Variants in DPYD observed in about 807,000 individuals in gnomAD.
DPYD encodes dihydropyrimidine dehydrogenase [NADP(+)].
In DPYD, 109 loss-of-function variants were observed where a neutral mutation model predicts 116.2. The ratio of observed to expected loss-of-function variants is 0.94; its 90% CI spans 0.80 to 1.10. The LOEUF (loss-of-function observed/expected upper bound fraction) is 1.10, where lower values mean the gene tolerates loss of function less well. Ranked by LOEUF, DPYD falls within the 50% of genes least tolerant of loss-of-function variation. The pLI, the probability that DPYD is intolerant of heterozygous loss-of-function variation, is 0.00. For missense variants in DPYD, 1,302 were observed against 1,254.5 expected, an observed-to-expected ratio of 1.04 and a Z score of -0.57; for synonymous variants, 440 against 432.0, an observed-to-expected ratio of 1.02 and a Z score of -0.23.
At chr1:97,270,388 C>A (rs755482861) in intron 18 of DPYD, among the ~76,000 whole-genome samples, 13 of 152,164 alleles carry the variant, frequency 8.5e-5, no homozygotes, top group Non-Finnish European at 1.6e-4. Flanking sequence ...TGATATTTCT[C>A]ATATTCAAGC....
At chr1:97,083,503 A>G (rs978751241) in intron 21 of DPYD, among the ~76,000 whole-genome samples, 3 of 152,066 alleles carry the variant, frequency 2.0e-5, no homozygotes, top group African/African-American at 7.2e-5. Flanking sequence ...TTACATTTTT[A>G]TACAGTTCCT....
chr1:97,417,731 A>G (rs1019138452), intron 14 of DPYD, among the ~76,000 whole-genome samples: 1 of 152,216 alleles, frequency 6.6e-6, no homozygotes, highest in Non-Finnish European at 1.5e-5. Context: ...TGAGTCCCAT[A>G]CAATAAGAGT....
intron 20 of DPYD, among the ~76,000 whole-genome samples, chr1:97,117,045 T>A (rs751882030): frequency 6.7e-6 from 1 of 149,142 alleles, no homozygotes; most frequent in Non-Finnish European, 1.5e-5. Context: ...GTATCTGTAA[T>A]CCCAGCTACT....
At chr1:97,650,564 T>C (rs928640651) in intron 8 of DPYD, among the ~76,000 whole-genome samples, 3 of 152,160 alleles carry the variant, frequency 2.0e-5, no homozygotes, top group Admixed American at 2.0e-4. Flanking sequence ...ATGGTGATTA[T>C]ATTTTCCTAA....
chr1:97,691,736 A>G lies in DPYD; in HGVS notation c.743T>C (p.Met248Thr). The G allele has an allele frequency of 6.2e-7, 1 of 1,613,722 alleles. No homozygotes were observed. Among genetic ancestry groups the G allele is most frequent in the Non-Finnish European group, 8.5e-7 (1 of 1,179,760 alleles). ...YDVVNFEIELMKDLGVKIICG... is the reference protein window; with the variant it reads ...YDVVNFEIELTKDLGVKIICG... The stretch of plus-strand genomic sequence containing the variant: ...ATTTACCTTTACACCAAGGTCCTTC[A>G]TTAGCTCAATCTCAAAATTCACTAC... The change falls in exon 7 of 23, where the codon ATG (methionine) becomes ACG (threonine). Residue 248 changes from methionine to threonine, a missense_variant. Transcript: ENST00000370192.
intron 20 of DPYD, among the ~76,000 whole-genome samples, chr1:97,157,327 GCACA>G (rs1156697927): frequency 6.6e-6 from 1 of 152,048 alleles, no homozygotes; most frequent in African/African-American, 2.4e-5. Flanking sequence ...CCTAGTGTTT[GCACA>G]CACTCATACA....
At chr1:97,749,195 C>A (rs1188188962) in intron 3 of DPYD, among the ~76,000 whole-genome samples, 1 of 152,162 alleles carries the variant, frequency 6.6e-6, no homozygotes, top group Non-Finnish European at 1.5e-5. Context: ...ACAAAATAGG[C>A]TATCCATGTA....
At chr1:97,905,299 T>A (rs1199168866) in intron 1 of DPYD, among the ~76,000 whole-genome samples, 2 of 151,982 alleles carry the variant, frequency 1.3e-5, no homozygotes, top group African/African-American at 2.4e-5. Flanking sequence ...TTAGATCATA[T>A]CCTTGTCATT....
At position 97,381,668 on chromosome 1, in the gene DPYD, G is replaced by A. The variant is rs116635429; in HGVS notation, c.1974+725C>T. On this transcript the variant is annotated intron_variant, in intron 15 of 22. Coordinates refer to ENST00000370192, the MANE Select transcript of DPYD (RefSeq NM_000110.4). Reference sequence around the variant, plus strand: ...ATATTTTATAATGTAGCGTCAATTAGTTCATTGGTATAGTTAGATTTAGTC... The same window carrying A: ...ATATTTTATAATGTAGCGTCAATTAATTCATTGGTATAGTTAGATTTAGTC... Among the ~76,000 whole-genome samples the A allele has an allele frequency of 7.6e-3, 1,156 of 152,202 alleles. 17 individuals are homozygous for A. Among genetic ancestry groups the A allele is most frequent in the African/African-American group, 0.027 (1,104 of 41,530 alleles).
chr1:97,612,856 C>G (rs912180198), intron 8 of DPYD, among the ~76,000 whole-genome samples: 1 of 151,966 alleles, frequency 6.6e-6, no homozygotes, highest in African/African-American at 2.4e-5. Flanking sequence ...TTTCTATGAG[C>G]ATGTGCTTCT....
At chr1:97,414,141 AAC>A (rs1223372398) in intron 14 of DPYD, among the ~76,000 whole-genome samples, 2 of 152,096 alleles carry the variant, frequency 1.3e-5, no homozygotes, top group Non-Finnish European at 2.9e-5. Flanking sequence ...AAAAACAAAA[AAC>A]ACACACACAC....
At chr1:97,551,331 C>T (rs1404309245) in intron 11 of DPYD, among the ~76,000 whole-genome samples, 1 of 152,116 alleles carries the variant, frequency 6.6e-6, no homozygotes, top group Non-Finnish European at 1.5e-5. Flanking sequence ...CAGATCATCA[C>T]TACCATCTGT....
chr1:97,232,787 C>T (rs975512747), intron 19 of DPYD, among the ~76,000 whole-genome samples: 1 of 152,028 alleles, frequency 6.6e-6, no homozygotes, highest in Non-Finnish European at 1.5e-5. Context: ...ATGAGACTTT[C>T]TGTTGTTTCA....
At chr1:97,636,409 G>C (rs1316298907) in intron 8 of DPYD, among the ~76,000 whole-genome samples, 1 of 151,966 alleles carries the variant, frequency 6.6e-6, no homozygotes, top group African/African-American at 2.4e-5. Context: ...GCTTACAGCT[G>C]TGTTACCCTG....
chr1:97,830,707 C>CAAAAAAAAAAAAAAAAAAA (rs759967010), intron 2 of DPYD, among the ~76,000 whole-genome samples: 21 of 105,756 alleles, frequency 2.0e-4, no homozygotes, highest in South Asian at 1.6e-3. Flanking sequence ...GACTCCATCT[C>CAAAAAAAAAAAAAAAAAAA]AAAAAAAAAA....
chr1:97,664,900 T>C (rs1659477190), intron 8 of DPYD, among the ~76,000 whole-genome samples: 1 of 152,052 alleles, frequency 6.6e-6, no homozygotes, highest in Non-Finnish European at 1.5e-5. Context: ...AAAGAGAGCA[T>C]ACTTAAATAT....
At chr1:97,473,129 G>A (rs559259532) in intron 13 of DPYD, among the ~76,000 whole-genome samples, 11 of 152,082 alleles carry the variant, frequency 7.2e-5, no homozygotes, top group South Asian at 2.1e-4. Flanking sequence ...TTTCCAACCT[G>A]CTTCCCAAAA....
intron 18 of DPYD, among the ~76,000 whole-genome samples, chr1:97,238,864 G>C (rs1013145675): frequency 1.3e-5 from 2 of 152,120 alleles, no homozygotes; most frequent in African/African-American, 2.4e-5. Context: ...TCTACATGGG[G>C]TGGCCAGATG....
chr1:97,202,630 CTG>C (rs1455314667), intron 19 of DPYD, among the ~76,000 whole-genome samples: 1 of 152,182 alleles, frequency 6.6e-6, no homozygotes, highest in East Asian at 1.9e-4. Flanking sequence ...ATTTGTGAGA[CTG>C]ATCTTCTCTG....
Sources: allele counts gnomAD v4.1 joint callset (sites outside exome capture counted in the v4.1 genomes callset), GRCh38; gene constraint gnomAD v4.1.1; transcripts MANE v1.5; gene names NCBI Gene and HGNC (gene_info 2026-07-23, HGNC 2026-07-21).